SLITRK6: variants seen among roughly 807,000 people sequenced by gnomAD.
SLITRK6 encodes SLIT and NTRK like family member 6.
SLITRK6 carries 35 observed loss-of-function variants against 55.6 expected under a neutral mutation model. The ratio of observed to expected loss-of-function variants is 0.63; its 90% CI spans 0.48 to 0.83. The LOEUF is 0.83. Ranked by LOEUF, SLITRK6 falls within the 40% of genes least tolerant of loss-of-function variation. The pLI, the probability that SLITRK6 is intolerant of heterozygous loss-of-function variation, is 0.00. For synonymous variants in SLITRK6, 392 were observed against 359.6 expected, an observed-to-expected ratio of 1.09 and a Z score of -1.02; for missense variants, 977 against 986.4, an observed-to-expected ratio of 0.99 and a Z score of 0.13.
rs1467095062 is a variant in SLITRK6 at position 85,795,408 on chromosome 13, CT to C, written c.1100del (p.Lys367SerfsTer4). Reference sequence around the variant, plus strand: ...GAATAATATTTCCCGCTAGAATGAGCTTTCTAGGATTTTGCGGAGGAGGTCT... The same window carrying C: ...GAATAATATTTCCCGCTAGAATGAGCTTCTAGGATTTTGCGGAGGAGGTCT... ...DLRPPPQNPR[K>X]LILAGNIIHS... On this transcript the variant is annotated frameshift_variant, in exon 2 of 2. Transcript: ENST00000647374. LOFTEE classifies it high-confidence loss of function. The C allele has an allele frequency of 1.2e-6, 2 of 1,612,796 alleles. No homozygotes were observed. Among genetic ancestry groups the C allele is most frequent in the Non-Finnish European group, 1.7e-6 (2 of 1,179,362 alleles).
chr13:85,796,162 T>G lies in SLITRK6; in HGVS notation c.347A>C (p.Gln116Pro). 1 of 1,612,952 alleles carries G rather than the reference T, an allele frequency of 6.2e-7. No homozygotes were observed. The highest frequency in any genetic ancestry group is 2.2e-5 in the East Asian group (1 of 44,824). The change falls in exon 2 of 2, where the codon CAA becomes CCA. Residue 116 changes from glutamine to proline, a missense_variant. Transcript: ENST00000647374. ...TAAAGAATTGTGATTGATATGAAGT[T>G]GTTTCAGGAGGCCAAGGCCATTAAA... ...GAFNGLGLLK[Q>P]LHINHNSLEI...
chr13:85,795,011 T>C lies in SLITRK6; in HGVS notation c.1498A>G (p.Ser500Gly). ...KTNQFTHLPV[S>G]NILDDLDLLT... Reference sequence around the variant, plus strand: ...AAATCAAGATCATCCAAAATATTACTTACAGGTAGATGGGTAAACTGGTTT... The same window carrying C: ...AAATCAAGATCATCCAAAATATTACCTACAGGTAGATGGGTAAACTGGTTT... Residue 500 changes from serine (S) to glycine (G), a missense_variant, in exon 2 of 2, where the codon AGT becomes GGT. Ser to Gly is a moderately conservative substitution (Grantham distance 56). Coordinates refer to ENST00000647374, the MANE Select transcript of SLITRK6 (RefSeq NM_032229.3). 2 of 1,612,996 alleles carry C rather than the reference T, an allele frequency of 1.2e-6. No individual in the cohort carries two copies. The highest frequency in any genetic ancestry group is 1.7e-6 in the Non-Finnish European group (2 of 1,179,408).
chr13:85,796,372 A>T lies in SLITRK6; in HGVS notation c.137T>A (p.Ile46Lys), dbSNP rs1874722462. Residue 46 changes from isoleucine to lysine, a missense_variant, in exon 2 of 2, where the codon ATA becomes AAA. Transcript: ENST00000647374. Reference protein sequence around the residue: ...NCEEKDGTMLINCEAKGIKMV... With the variant: ...NCEEKDGTMLKNCEAKGIKMV... ...CTTGATACCTTTTGCTTCACAATTTATTAGCATTGTGCCATCTTTTTCCTC... is the reference window on the plus strand; with the variant it reads ...CTTGATACCTTTTGCTTCACAATTTTTTAGCATTGTGCCATCTTTTTCCTC... 1 of 1,612,616 alleles carries T rather than the reference A, an allele frequency of 6.2e-7. No homozygotes were observed. Among genetic ancestry groups the T allele is most frequent in the African/African-American group, 1.3e-5 (1 of 74,824 alleles).
chr13:85,793,895 A>G lies in SLITRK6; in HGVS notation c.*88T>C. 3.5e-6 allele frequency: 5 copies of G among 1,435,036 alleles called. No individual in the cohort carries two copies. The highest frequency in any genetic ancestry group is 4.7e-6 in the Non-Finnish European group (5 of 1,071,660). The allele number at this position is 1,435,036 out of a possible 1,614,324, so 88.9% of individuals were successfully genotyped here. Reference sequence around the variant, plus strand: ...TACTGCTGTGCTTAGGTTCTGATTGATGACACACTCACGTAAGGCACTTAT... The same window carrying G: ...TACTGCTGTGCTTAGGTTCTGATTGGTGACACACTCACGTAAGGCACTTAT... On this transcript the variant is annotated 3_prime_UTR_variant, in exon 2 of 2. Transcript: ENST00000647374.
At position 85,794,989 on chromosome 13, in the gene SLITRK6, T is replaced by A. The variant is rs1208166482; in HGVS notation, c.1520A>T (p.Asp507Val). 1 of 1,613,034 alleles carries A rather than the reference T, an allele frequency of 6.2e-7. No individual in the cohort carries two copies. ...LPVSNILDDL[D>V]LLTQIDLEDN... ...CTCAAGGTCAATCTGGGTTAGCAAATCAAGATCATCCAAAATATTACTTAC... is the reference window on the plus strand; with the variant it reads ...CTCAAGGTCAATCTGGGTTAGCAAAACAAGATCATCCAAAATATTACTTAC... The change falls in exon 2 of 2, where the codon GAT (aspartate) becomes GTT (valine). Residue 507 changes from aspartate to valine, a missense_variant. Physicochemically the swap from Asp to Val is radical, Grantham distance 152. Coordinates refer to ENST00000647374, the MANE Select transcript of SLITRK6 (RefSeq NM_032229.3).
At chr13:85,796,553 G>A (rs1197406554) in intron 1 of SLITRK6, 21 bp from the exon 2 acceptor site, 3 of 1,483,130 alleles carry the variant, frequency 2.0e-6, no homozygotes, top group Non-Finnish European at 2.7e-6. Flanking sequence ...AAACGCAATA[G>A]CAAGGGACTT....
chr13:85,793,313 T>C lies in SLITRK6; in HGVS notation c.*670A>G, dbSNP rs1874600261. 1 of 152,180 alleles carries C rather than the reference T, an allele frequency of 6.6e-6. No individual in the cohort carries two copies. The highest frequency in any genetic ancestry group is 2.1e-4 in the South Asian group (1 of 4,834). The allele number at this position is 152,180 out of a possible 1,614,324, so 9.4% of individuals were successfully genotyped here. ...TGTGTAGAAAACCCAAAAAGTATGC[T>C]TATTTCTTCCACCTGAACTATTAAT... On this transcript the variant is annotated 3_prime_UTR_variant, in exon 2 of 2. Coordinates refer to ENST00000647374, the MANE Select transcript of SLITRK6 (RefSeq NM_032229.3).
chr13:85,794,595 T>A lies in SLITRK6; in HGVS notation c.1914A>T (p.Arg638Ser), dbSNP rs1296697440. Reference sequence around the variant, plus strand: ...GCTCATCTACTTGTTTCTTTTTGTATCTTCTCCTGCGGTGAAGAACAAGAA... The same window carrying A: ...GCTCATCTACTTGTTTCTTTTTGTAACTTCTCCTGCGGTGAAGAACAAGAA... ...IVVLVLHRRR[R>S]YKKKQVDEQM... The change falls in exon 2 of 2, where the codon AGA becomes AGT. Residue 638 changes from arginine to serine, a missense_variant. Arg to Ser is a moderately radical substitution (Grantham distance 110). Transcript: ENST00000647374. The A allele has an allele frequency of 1.2e-6, 2 of 1,613,220 alleles. No homozygotes were observed. Among genetic ancestry groups the A allele is most frequent in the South Asian group, 2.2e-5 (2 of 91,060 alleles).
chr13:85,796,451 A>G lies in SLITRK6; in HGVS notation c.58T>C (p.Ser20Pro), dbSNP rs200148414. ...SSLLACISLH[S>P]QTPVLSSRGS... The stretch of plus-strand genomic sequence containing the variant: ...CTGGATGAGAGCACTGGAGTTTGGG[A>G]GTGTAAAGATATACAGGCAAGGAGA... Residue 20 changes from serine (S) to proline (P), a missense_variant, in exon 2 of 2, where the codon TCC becomes CCC. Coordinates refer to ENST00000647374, the MANE Select transcript of SLITRK6 (RefSeq NM_032229.3). The G allele has an allele frequency of 1.0e-5, 16 of 1,601,560 alleles. No homozygotes were observed. The highest frequency in any genetic ancestry group is 1.4e-5 in the Non-Finnish European group (16 of 1,175,818).
Position 85,794,556 on chromosome 13 carries a change from G to A in SLITRK6, c.1953C>T (p.Asn651=). The change falls in exon 2 of 2, where the codon AAC becomes AAT. Residue 651 remains asparagine, a synonymous_variant. Transcript: ENST00000647374. ...TGCTGTACTGAAGATGCACAGGACTGTTGTCTCTCATTTGCTCATCTACTT... is the reference window on the plus strand; with the variant it reads ...TGCTGTACTGAAGATGCACAGGACTATTGTCTCTCATTTGCTCATCTACTT... ...KKQVDEQMRD[N]SPVHLQYSMY... 6.2e-7 allele frequency: 1 copy of A among 1,613,172 alleles called. No homozygotes were observed. The highest frequency in any genetic ancestry group is 8.5e-7 in the Non-Finnish European group (1 of 1,179,546).
Position 85,794,934 on chromosome 13 carries a change from C to A in SLITRK6, c.1575G>T (p.Leu525=). Residue 525 remains leucine, a synonymous_variant, in exon 2 of 2, where the codon CTG becomes CTT. Coordinates refer to ENST00000647374, the MANE Select transcript of SLITRK6 (RefSeq NM_032229.3). ...TTTGTATCCATTGCTGCAGTCCAAC[C>A]AGGTCACAGGAGCAGTCCCAGGGGT... ...EDNPWDCSCD[L]VGLQQWIQKL... is the part of the protein sequence containing the mutation. 1.2e-6 allele frequency: 2 copies of A among 1,613,050 alleles called. No individual in the cohort carries two copies. Among genetic ancestry groups the A allele is most frequent in the Admixed American group, 3.3e-5 (2 of 59,788 alleles).
Position 85,793,780 on chromosome 13 carries a change from G to T in SLITRK6, c.*203C>A. 2.0e-6 allele frequency: 1 copy of T among 496,778 alleles called. No homozygotes were observed. Among genetic ancestry groups the T allele is most frequent in the Non-Finnish European group, 3.4e-6 (1 of 290,088 alleles). 30.8% of individuals were successfully genotyped at this position (496,778 alleles called of 1,614,324 possible). A position where few individuals can be genotyped will look rare whatever the true frequency, so the allele number is the denominator to read the frequency against. On this transcript the variant is annotated 3_prime_UTR_variant, in exon 2 of 2. Transcript: ENST00000647374. Reference sequence around the variant, plus strand: ...TACATGCAAGGATTTATTTTATTTGGGACAGACTAAATTGCCTGAAGATAA... The same window carrying T: ...TACATGCAAGGATTTATTTTATTTGTGACAGACTAAATTGCCTGAAGATAA...
Position 85,799,163 on chromosome 13 carries a change from T to A in SLITRK6, c.-274A>T, listed in dbSNP as rs999509858. ...TAGAGCATCCTGAAGCAATTGTCCCTTTTTCCCTCAATTAAAATTCACGGC... is the reference window on the plus strand; with the variant it reads ...TAGAGCATCCTGAAGCAATTGTCCCATTTTCCCTCAATTAAAATTCACGGC... On this transcript the variant is annotated 5_prime_UTR_variant, in exon 1 of 2. In the 5' UTR this introduces an upstream ATG that the reference lacks. Transcript: ENST00000647374. The A allele has an allele frequency of 1.3e-5, 2 of 151,892 alleles. No individual in the cohort carries two copies. The highest frequency in any genetic ancestry group is 2.9e-5 in the Non-Finnish European group (2 of 67,968). 9.4% of individuals were successfully genotyped at this position (151,892 alleles called of 1,614,324 possible). A position where few individuals can be genotyped will look rare whatever the true frequency, so the allele number is the denominator to read the frequency against.
Position 85,795,552 on chromosome 13 carries a change from C to G in SLITRK6, c.957G>C (p.Lys319Asn). The G allele has an allele frequency of 1.9e-6, 3 of 1,612,714 alleles. No individual in the cohort carries two copies. The highest frequency in any genetic ancestry group is 2.5e-6 in the Non-Finnish European group (3 of 1,179,320). Reference sequence around the variant, plus strand: ...AAGGTCCTGGAAGTTGAGTGGATGGCTTTGTAATATAAGGTATCAAACCTG... The same window carrying G: ...AAGGTCCTGGAAGTTGAGTGGATGGGTTTGTAATATAAGGTATCAAACCTG... The part of the protein sequence containing the change: ...KAPGLIPYIT[K>N]PSTQLPGPYC... The change falls in exon 2 of 2, where the codon AAG becomes AAC. Residue 319 changes from lysine (K) to asparagine (N), a missense_variant. Transcript: ENST00000647374.
chr13:85,794,559 G>T lies in SLITRK6; in HGVS notation c.1950C>A (p.Asp650Glu). The T allele has an allele frequency of 6.2e-7, 1 of 1,613,134 alleles. No homozygotes were observed. The highest frequency in any genetic ancestry group is 1.3e-5 in the African/African-American group (1 of 74,906). Residue 650 changes from aspartate (D) to glutamate (E), a missense_variant, in exon 2 of 2, where the codon GAC becomes GAA. Coordinates refer to ENST00000647374, the MANE Select transcript of SLITRK6 (RefSeq NM_032229.3). ...TGTACTGAAGATGCACAGGACTGTT[G>T]TCTCTCATTTGCTCATCTACTTGTT... ...KKKQVDEQMR[D>E]NSPVHLQYSM... is the part of the protein sequence containing the mutation.
rs778400331 is a variant in SLITRK6 at position 85,795,404 on chromosome 13, T to A, written c.1105A>T (p.Ile369Phe). The A allele has an allele frequency of 3.7e-6, 6 of 1,612,584 alleles. No homozygotes were observed. Among genetic ancestry groups the A allele is most frequent in the Non-Finnish European group, 5.1e-6 (6 of 1,179,202 alleles). ...CTGTGAATAATATTTCCCGCTAGAA[T>A]GAGCTTTCTAGGATTTTGCGGAGGA... is the stretch of plus-strand genomic sequence containing the variant. ...RPPPQNPRKL[I>F]LAGNIIHSLM... The change falls in exon 2 of 2, where the codon ATT becomes TTT. Residue 369 changes from isoleucine (I) to phenylalanine (F), a missense_variant. Coordinates refer to ENST00000647374, the MANE Select transcript of SLITRK6 (RefSeq NM_032229.3).
rs1566396664 is a variant in SLITRK6 at position 85,793,416 on chromosome 13, T to C, written c.*567A>G. 2 of 152,368 alleles carry C rather than the reference T, an allele frequency of 1.3e-5. No individual in the cohort carries two copies. Among genetic ancestry groups the C allele is most frequent in the African/African-American group, 4.8e-5 (2 of 41,430 alleles). 9.4% of individuals were successfully genotyped at this position (152,368 alleles called of 1,614,324 possible). On this transcript the variant is annotated 3_prime_UTR_variant, in exon 2 of 2. Transcript: ENST00000647374. The stretch of plus-strand genomic sequence containing the variant: ...AATGTTCAAAGTTTTGAGCCACCCA[T>C]GGCCTATATAATTGCAACCTTTCTA...
At position 85,794,118 on chromosome 13, in the gene SLITRK6, C is replaced by T. The variant is rs1874624649; in HGVS notation, c.2391G>A (p.Leu797=). 1 of 1,612,962 alleles carries T rather than the reference C, an allele frequency of 6.2e-7. No individual in the cohort carries two copies. The highest frequency in any genetic ancestry group is 1.7e-5 in the Admixed American group (1 of 59,792). ...EAHYPGAHEE[L]KLMETLMYSR... ...AGTACATTAATGTTTCCATTAACTT[C>T]AGCTCTTCGTGGGCTCCAGGATAAT... The change falls in exon 2 of 2, where the codon CTG becomes CTA. Residue 797 remains leucine, a synonymous_variant. Transcript: ENST00000647374.
At position 85,794,065 on chromosome 13, in the gene SLITRK6, T is replaced by C; in HGVS notation, c.2444A>G (p.Gln815Arg). 1 of 1,612,758 alleles carries C rather than the reference T, an allele frequency of 6.2e-7. No homozygotes were observed. Among genetic ancestry groups the C allele is most frequent in the South Asian group, 1.1e-5 (1 of 91,012 alleles). Residue 815 changes from glutamine to arginine, a missense_variant, in exon 2 of 2, where the codon CAG becomes CGG. Coordinates refer to ENST00000647374, the MANE Select transcript of SLITRK6 (RefSeq NM_032229.3). Reference protein sequence around the residue: ...YSRPRKVLVEQTKNEYFELKA... With the variant: ...YSRPRKVLVERTKNEYFELKA... ...AAGTTCAAAATACTCATTTTTTGTCTGTTCCACTAATACCTTCCTTGGACG... is the reference window on the plus strand; with the variant it reads ...AAGTTCAAAATACTCATTTTTTGTCCGTTCCACTAATACCTTCCTTGGACG...
Sources: gnomAD v4.1 joint callset for allele counts on GRCh38, gnomAD v4.1.1 for gene constraint, MANE v1.5 for transcripts, NCBI Gene and HGNC (gene_info 2026-07-23, HGNC 2026-07-21) for gene names.